Variants in PCDHA4 observed in about 807,000 individuals in gnomAD.
PCDHA4 encodes protocadherin alpha-4.
Under a neutral mutation model 61.4 loss-of-function variants are expected in PCDHA4, and 49 were observed. That is an observed-to-expected ratio of 0.80 (90% CI 0.63 to 1.01). PCDHA4 has a LOEUF of 1.01. Ranked by LOEUF, PCDHA4 falls within the 50% of genes least tolerant of loss-of-function variation. The pLI is 0.00. For missense variants in PCDHA4, 1,254 were observed against 1,235.8 expected (o/e 1.01, Z -0.22); for synonymous variants, 590 against 550.3 (o/e 1.07, Z -1.01).
Position 140,842,580 on chromosome 5 carries a change from C to G in PCDHA4, c.2385+33008C>G. ...GCCCTGGACCGCGAGAGAGTGTCGG[C>G]CTATGAGTTGGTGGTAACCGCGCGG... On this transcript the variant is annotated intron_variant, in intron 1 of 3. Coordinates refer to ENST00000530339, the MANE Select transcript of PCDHA4 (RefSeq NM_018907.4). 1 of 1,517,750 alleles carries G rather than the reference C, an allele frequency of 6.6e-7. No homozygotes were observed. The highest frequency in any genetic ancestry group is 9.0e-7 in the Non-Finnish European group (1 of 1,116,480). The allele number at this position is 1,517,750 out of a possible 1,614,324, so 94.0% of individuals were successfully genotyped here. A position where few individuals can be genotyped will look rare whatever the true frequency, so the allele number is the denominator to read the frequency against.
At chr5:140,884,293 G>A in intron 1 of PCDHA4, 2 of 1,613,666 alleles carry the variant, frequency 1.2e-6, no homozygotes, top group Non-Finnish European at 1.7e-6. Flanking sequence ...GCGGCCAAGC[G>A]CCACAGGCTT....
At chr5:140,929,679 G>A (rs142104946) in intron 1 of PCDHA4, 4 of 303,052 alleles carry the variant, frequency 1.3e-5, no homozygotes, top group African/African-American at 2.2e-5. Context: ...TGAAAAATAT[G>A]TAAGAGTCTG....
intron 1 of PCDHA4, chr5:140,829,720 G>C: frequency 6.2e-7 from 1 of 1,613,502 alleles, no homozygotes; most frequent in Non-Finnish European, 8.5e-7. Flanking sequence ...CGGGCGTGCC[G>C]CCTCTGGGCA....
chr5:140,985,394 A>C (rs2097150028), intron 3 of PCDHA4, among the ~76,000 whole-genome samples: 1 of 152,084 alleles, frequency 6.6e-6, no homozygotes, highest in South Asian at 2.1e-4. Context: ...AGTCACCCCA[A>C]CTGTTCCCCT....
At chr5:140,819,296 T>C (rs1766529850) in intron 1 of PCDHA4, among the ~76,000 whole-genome samples, 1 of 152,178 alleles carries the variant, frequency 6.6e-6, no homozygotes, top group Non-Finnish European at 1.5e-5. Context: ...ATATAGCTTA[T>C]TAAAATTTTA....
At chr5:140,857,744 G>T (rs1374937613) in intron 1 of PCDHA4, 1 of 1,597,416 alleles carries the variant, frequency 6.3e-7, no homozygotes, top group Non-Finnish European at 8.6e-7. Context: ...CGCGCTGCTG[G>T]CGTCTCCCGC....
rs2150253260 is a variant in PCDHA4, at chr5:140,836,120, G to C, written c.2385+26548G>C. 16 of 1,613,628 alleles carry C rather than the reference G, an allele frequency of 9.9e-6. No individual in the cohort carries two copies. The African/African-American group carries it at 1.7e-4, about 18-fold the overall frequency. Reference sequence around the variant, plus strand: ...GTGGCACTGGTGGCGCAGTGAGAGAGCTTGTGCCGCGGTCTGTGGGCGCGG... The same window carrying C: ...GTGGCACTGGTGGCGCAGTGAGAGACCTTGTGCCGCGGTCTGTGGGCGCGG... On this transcript the variant is annotated intron_variant, in intron 1 of 3. Coordinates refer to ENST00000530339, the MANE Select transcript of PCDHA4 (RefSeq NM_018907.4).
intron 1 of PCDHA4, chr5:140,967,828 CATCGTGG>C: frequency 6.2e-7 from 1 of 1,614,146 alleles, no homozygotes. Flanking sequence ...TGCTGGTGGA[CATCGTGG>C]ACGTGAATGA....
rs149739125 is a variant in PCDHA4, at chr5:140,954,248, C to T, written c.2386-24701C>T. 1.2e-3 allele frequency among the ~76,000 whole-genome samples: 179 copies of T among 152,316 alleles called. 1 individual carries two copies. The highest frequency in any genetic ancestry group is 4.0e-3 in the African/African-American group (166 of 41,572). ...TGAATAGTGCTGCAATGAACATACACATGCAGGTATCTTTATAATAGGATG... is the reference window on the plus strand; with the variant it reads ...TGAATAGTGCTGCAATGAACATACATATGCAGGTATCTTTATAATAGGATG... On this transcript the variant is annotated intron_variant, in intron 1 of 3. Coordinates refer to ENST00000530339, the MANE Select transcript of PCDHA4 (RefSeq NM_018907.4).
chr5:140,869,029 A>T, intron 1 of PCDHA4: 4 of 1,526,468 alleles, frequency 2.6e-6, no homozygotes, highest in South Asian at 2.7e-5. Flanking sequence ...ATTCAACGAG[A>T]TTTTTAACCT....
chr5:140,862,497 A>G (rs1337501785), intron 1 of PCDHA4: 1 of 394,588 alleles, frequency 2.5e-6, no homozygotes, highest in Non-Finnish European at 5.1e-6. Flanking sequence ...ATCGCTCGGA[A>G]TGGGGACTCG....
chr5:140,816,539 G>A (rs2126673533), intron 1 of PCDHA4: 1,789 of 151,276 alleles, frequency 0.012, 32 homozygotes, highest in African/African-American at 0.041. Context: ...GTGTGGGCAC[G>A]CACTATTTGA....
At chr5:140,967,059 C>T in intron 1 of PCDHA4, 1 of 1,612,750 alleles carries the variant, frequency 6.2e-7, no homozygotes, top group Non-Finnish European at 8.5e-7. Flanking sequence ...ACGAGTGGAG[C>T]GCTCTTCGTC....
intron 1 of PCDHA4, chr5:140,817,258 CCT>C (rs1458699211): frequency 3.3e-5 from 5 of 152,336 alleles, no homozygotes; most frequent in East Asian, 1.9e-4. Flanking sequence ...GGAATTTCCC[CCT>C]GTTTGAATGG....
chr5:140,859,351 A>T (rs2045821296), intron 1 of PCDHA4: 1 of 247,508 alleles, frequency 4.0e-6, no homozygotes, highest in Non-Finnish European at 7.7e-6. Context: ...TTTTCTACTG[A>T]TCTGATATAT....
chr5:140,908,492 T>G (rs1241563422), intron 1 of PCDHA4, among the ~76,000 whole-genome samples: 3 of 152,226 alleles, frequency 2.0e-5, no homozygotes, highest in African/African-American at 7.2e-5. Context: ...CAGTTCAGGT[T>G]GCTTGGTGAC....
chr5:140,808,922 G>A lies in PCDHA4; in HGVS notation c.1735G>A (p.Glu579Lys), dbSNP rs782455168. The A allele has an allele frequency of 2.2e-5, 35 of 1,613,564 alleles. No homozygotes were observed. Among genetic ancestry groups the A allele is most frequent in the Middle Eastern group, 1.6e-4 (1 of 6,076 alleles). ...GGGTGGCACTGGTGGCGCAGTGAGC[G>A]AGCTGGTGCCATGGTCGGTGGGTGT... ...RAGGTGGAVS[E>K]LVPWSVGVGH... Residue 579 changes from glutamate to lysine, a missense_variant, in exon 1 of 4, where the codon GAG (glutamate) becomes AAG (lysine). Physicochemically the swap from Glu to Lys is moderately conservative, Grantham distance 56 (BLOSUM62 1). Coordinates refer to ENST00000530339, the MANE Select transcript of PCDHA4 (RefSeq NM_018907.4).
intron 1 of PCDHA4, among the ~76,000 whole-genome samples, chr5:140,890,901 T>C (rs1583031993): frequency 6.6e-6 from 1 of 152,194 alleles, no homozygotes; most frequent in Admixed American, 6.5e-5. Flanking sequence ...TGTCTTTCCA[T>C]GTTAGAATAA....
intron 1 of PCDHA4, among the ~76,000 whole-genome samples, chr5:140,910,213 G>A (rs1375224674): frequency 6.6e-6 from 1 of 152,170 alleles, no homozygotes; most frequent in South Asian, 2.1e-4. Context: ...TGACCTGGAA[G>A]TTTTCTGCTT....
Sources: gnomAD v4.1 joint callset for allele counts (sites outside exome capture counted in the v4.1 genomes callset) on GRCh38, gnomAD v4.1.1 for gene constraint, MANE v1.5 for transcripts, NCBI Gene and HGNC (gene_info 2026-07-23, HGNC 2026-07-21) for gene names.